VIPAS39: variants seen among roughly 807,000 people sequenced by gnomAD.
The protein encoded by VIPAS39 is VPS33B interacting protein, apical-basolateral polarity regulator, spe-39 homolog, also known as spermatogenesis-defective protein 39 homolog.
Under a neutral mutation model 84.7 loss-of-function variants are expected in VIPAS39, and 63 were observed. That is an observed-to-expected ratio of 0.74 (90% CI 0.61 to 0.92). VIPAS39 has a LOEUF of 0.92. VIPAS39 is among the 40% of genes least tolerant of loss of function. The pLI is 0.00. For missense variants in VIPAS39, 499 were observed against 604.5 expected, an observed-to-expected ratio of 0.83 and a Z score of 1.83; for synonymous variants, 192 against 216.5, an observed-to-expected ratio of 0.89 and a Z score of 0.99.
In VIPAS39 at chr14:77,446,837, G is replaced by A. The variant is rs2078798180; in HGVS notation, c.504+1657C>T. On this transcript the variant is annotated intron_variant, in intron 7 of 19. Transcript: ENST00000557658. ...TCTTATTTTTTTCTTCTTGAGACAGGGTCTTGCTCTGTTGCCTAAGCTGGA... is the reference window on the plus strand; with the variant it reads ...TCTTATTTTTTTCTTCTTGAGACAGAGTCTTGCTCTGTTGCCTAAGCTGGA... Among the ~76,000 whole-genome samples, 3 of 151,806 alleles carry A rather than the reference G, an allele frequency of 2.0e-5. No homozygotes were observed. The South Asian group carries it at 6.2e-4, about 32-fold the overall frequency.
chr14:77,434,595 G>C (rs1028898370), intron 14 of VIPAS39, among the ~76,000 whole-genome samples: 2 of 151,770 alleles, frequency 1.3e-5, no homozygotes, highest in African/African-American at 4.8e-5. Context: ...GAAAAATTTA[G>C]AAAGAAAAAA....
At chr14:77,457,235 G>GTCAGAT in intron 1 of VIPAS39, 3 of 1,530,558 alleles carry the variant, frequency 2.0e-6, no homozygotes, top group Non-Finnish European at 2.6e-6. Flanking sequence ...TACCGCAGTC[G>GTCAGAT]TCAGAGCCCA....
chr14:77,429,589 A>G, intron 17 of VIPAS39, 92 bp downstream of exon 17: 1 of 1,299,498 alleles, frequency 7.7e-7, no homozygotes, highest in South Asian at 1.2e-5. Context: ...GGAAAACAAG[A>G]GCAGATCGGG....
At chr14:77,452,178 G>A (rs145989687) in intron 3 of VIPAS39, among the ~76,000 whole-genome samples, 21 of 152,222 alleles carry the variant, frequency 1.4e-4, no homozygotes, top group African/African-American at 4.6e-4. Context: ...TACTGACATG[G>A]AAAGATCTCC....
intron 18 of VIPAS39, among the ~76,000 whole-genome samples, 193 bp from the exon 19 acceptor site, chr14:77,428,667 C>T (rs1052260348): frequency 5.3e-5 from 8 of 152,118 alleles, no homozygotes; most frequent in Non-Finnish European, 8.8e-5. Flanking sequence ...TTTGACCCAA[C>T]GCTCAAGGAG....
At position 77,448,606 on chromosome 14, in the gene VIPAS39, A is replaced by G. The variant is rs75957729; in HGVS notation, c.448-56T>C. The G allele has an allele frequency of 5.6e-3, 8,834 of 1,570,262 alleles. 426 individuals carry two copies. In the African/African-American group the frequency reaches 0.11, roughly 19 times the overall value. On this transcript the variant is annotated intron_variant, in intron 6 of 19. Transcript: ENST00000557658. ...AAGTTAAGGAATCAAATTTATCAGC[A>G]TACCCGCTCCTCAACTCAAACTCAG...
intron 13 of VIPAS39, 81 bp downstream of exon 13, chr14:77,435,763 C>T: frequency 6.9e-7 from 1 of 1,456,986 alleles, no homozygotes; most frequent in Non-Finnish European, 9.6e-7. Context: ...GACCCACGTG[C>T]AGAGCATAGA....
intron 11 of VIPAS39, chr14:77,440,309 T>C (rs1163590113): frequency 2.6e-5 from 4 of 152,068 alleles, no homozygotes; most frequent in East Asian, 3.9e-4. Context: ...GTTCATTCCA[T>C]GATTGTGAAA....
intron 7 of VIPAS39, among the ~76,000 whole-genome samples, chr14:77,448,189 C>T (rs1180925202): frequency 1.4e-5 from 2 of 147,956 alleles, no homozygotes; most frequent in Admixed American, 6.7e-5. Flanking sequence ...CTCTTGACCT[C>T]GTGATCCACC....
At chr14:77,441,633 G>A (rs2078705155) in intron 10 of VIPAS39, among the ~76,000 whole-genome samples, 1 of 152,104 alleles carries the variant, frequency 6.6e-6, no homozygotes, top group Admixed American at 6.5e-5. Flanking sequence ...GAAGGAAGGA[G>A]GGAGGAAGCA....
Position 77,437,352 on chromosome 14 carries a change from T to C in VIPAS39, c.836+456A>G, listed in dbSNP as rs2078628991. Among the ~76,000 whole-genome samples, 3 of 152,352 alleles carry C rather than the reference T, an allele frequency of 2.0e-5. No individual in the cohort carries two copies. The South Asian group carries it at 6.2e-4, about 32-fold the overall frequency. On this transcript the variant is annotated intron_variant, in intron 12 of 19. Transcript: ENST00000557658. ...CTGGGTTTTGCAATAAGTTAAATTC[T>C]GGATGAAAGCTTGCCCTGGATCAGT...
At position 77,445,138 on chromosome 14, in the gene VIPAS39, T is replaced by G. The variant is rs550145974; in HGVS notation, c.505-797A>C. Among the ~76,000 whole-genome samples, 8 of 151,310 alleles carry G rather than the reference T, an allele frequency of 5.3e-5. No homozygotes were observed. In the East Asian group the frequency reaches 1.6e-3, roughly 30 times the overall value. On this transcript the variant is annotated intron_variant, in intron 7 of 19. Coordinates refer to ENST00000557658, the MANE Select transcript of VIPAS39 (RefSeq NM_001193315.2). ...CACACCCGGCTAATTTTTTTGTATTTTTAGTAGAGACAGGGTTTCACCATG... is the reference window on the plus strand; with the variant it reads ...CACACCCGGCTAATTTTTTTGTATTGTTAGTAGAGACAGGGTTTCACCATG...
chr14:77,431,624 C>G (rs1238077847), intron 16 of VIPAS39, among the ~76,000 whole-genome samples: 6 of 151,996 alleles, frequency 3.9e-5, no homozygotes, highest in Non-Finnish European at 8.8e-5. Flanking sequence ...GAGCTACGGT[C>G]ATGCCACTGC....
At position 77,451,265 on chromosome 14, in the gene VIPAS39, T is replaced by G. The variant is rs766987310; in HGVS notation, c.265A>C (p.Lys89Gln). 2.5e-6 allele frequency: 4 copies of G among 1,614,218 alleles called. No homozygotes were observed. The highest frequency in any genetic ancestry group is 1.7e-5 in the Admixed American group (1 of 60,022). The change falls in exon 4 of 20, where the codon AAG becomes CAG. Residue 89 changes from lysine to glutamine, a missense_variant. Physicochemically the swap from Lys to Gln is moderately conservative, Grantham distance 53. Transcript: ENST00000557658. The part of the protein sequence containing the change: ...GSTHEGREQL[K>Q]SRNSFSSYAQ... Reference sequence around the variant, plus strand: ...TAGGAGGAGAAGCTGTTTCGGCTCTTTAGCTGTTCACGCCCCTCGTGGGTT... The same window carrying G: ...TAGGAGGAGAAGCTGTTTCGGCTCTGTAGCTGTTCACGCCCCTCGTGGGTT...
At chr14:77,431,368 T>C (rs2078519842) in intron 16 of VIPAS39, among the ~76,000 whole-genome samples, 1 of 152,168 alleles carries the variant, frequency 6.6e-6, no homozygotes. Flanking sequence ...GGCAAAAGAC[T>C]TGAATGGACA....
chr14:77,451,591 C>CT (rs1014985735), intron 3 of VIPAS39, among the ~76,000 whole-genome samples: 20 of 150,506 alleles, frequency 1.3e-4, no homozygotes, highest in African/African-American at 2.9e-4. Context: ...CTCTTTTTTT[C>CT]TTTTTTTTTA....
In VIPAS39 at chr14:77,442,682, T is replaced by C. The variant is rs1374484758; in HGVS notation, c.632-20A>G. 6 of 1,610,968 alleles carry C rather than the reference T, an allele frequency of 3.7e-6. No homozygotes were observed. Among genetic ancestry groups the C allele is most frequent in the Non-Finnish European group, 5.1e-6 (6 of 1,177,386 alleles). Reference sequence around the variant, plus strand: ...GGATCTCTGTCAGACAGTCAGGAGTTAAGTTGAGAAAGATTAAAGCCAATT... The same window carrying C: ...GGATCTCTGTCAGACAGTCAGGAGTCAAGTTGAGAAAGATTAAAGCCAATT... On this transcript the variant is annotated intron_variant, in intron 9 of 19. Coordinates refer to ENST00000557658, the MANE Select transcript of VIPAS39 (RefSeq NM_001193315.2).
chr14:77,428,334 C>A (rs767491725), intron 19 of VIPAS39, 36 bp downstream of exon 19: 1 of 1,587,286 alleles, frequency 6.3e-7, no homozygotes, highest in East Asian at 2.2e-5. Context: ...TGTCTGTCTC[C>A]TGAGCCTGCT....
rs1235681154 is a variant in VIPAS39 at position 77,444,302 on chromosome 14, G to A, written c.544C>T (p.Leu182=). The A allele has an allele frequency of 6.2e-7, 1 of 1,613,872 alleles. No individual in the cohort carries two copies. The highest frequency in any genetic ancestry group is 1.3e-5 in the African/African-American group (1 of 75,040). The change falls in exon 8 of 20, where the codon CTA becomes TTA. Residue 182 remains leucine (L), a synonymous_variant. Transcript: ENST00000557658. ...LERFRSLQDK[L]QLLEEAVSMH... is the part of the protein sequence containing the mutation. Reference sequence around the variant, plus strand: ...CTTACTGCCTCTTCTAGGAGTTGTAGTTTGTCCTGTAAGGAGCGGAATCTC... The same window carrying A: ...CTTACTGCCTCTTCTAGGAGTTGTAATTTGTCCTGTAAGGAGCGGAATCTC...
Sources: allele counts gnomAD v4.1 joint callset (sites outside exome capture counted in the v4.1 genomes callset), GRCh38; gene constraint gnomAD v4.1.1; transcripts MANE v1.5; gene names NCBI Gene and HGNC (gene_info 2026-07-23, HGNC 2026-07-21).